TRIM65: variants seen among roughly 807,000 people sequenced by gnomAD.
TRIM65 encodes E3 ubiquitin-protein ligase TRIM65.
TRIM65 carries 46 observed loss-of-function variants against 36.1 expected under a neutral mutation model. The ratio of observed to expected loss-of-function variants is 1.27; its 90% confidence interval spans 1.01 to 1.63. The LOEUF is 1.63. TRIM65 is among the 40% of genes most tolerant of loss of function. The pLI is 0.00. For synonymous variants in TRIM65, 346 were observed against 313.6 expected (o/e 1.10, Z -1.09); for missense variants, 708 against 696.6 (o/e 1.02, Z -0.18).
exon 5 of TRIM65, chr17:75,880,351 T>C (rs2065161935): frequency 1.4e-5 from 2 of 140,116 alleles, no homozygotes; most frequent in African/African-American, 5.7e-5. Flanking sequence ...TTTTTTTTTT[T>C]AGGGAGTCTT....
rs1302324507 is a variant in TRIM65 at position 75,892,010 on chromosome 17, C to A, written c.919+1G>T. 2.2e-5 allele frequency: 34 copies of A among 1,552,274 alleles called. No homozygotes were observed. The highest frequency in any genetic ancestry group is 3.0e-5 in the Non-Finnish European group (34 of 1,147,192). ...AGGGGGAGGCCTGGGGTCAGTCTTA[C>A]CCACGGGGGCTAAGTCCACAGGCTT... On this transcript the variant is annotated splice_donor_variant, in intron 4 of 5. Coordinates refer to ENST00000269383, the MANE Select transcript of TRIM65 (RefSeq NM_173547.4). LOFTEE classifies it high-confidence loss of function.
chr17:75,891,739 GTGCTCACAGCACACACA>G, intron 5 of TRIM65, 57 bp downstream of exon 5: 1 of 1,003,980 alleles, frequency 1.0e-6, no homozygotes, highest in Non-Finnish European at 1.4e-6. Context: ...ACACACACAC[GTGCTCACAGCACACACA>G]GGCACTTCCT....
intron 1 of TRIM65, among the ~76,000 whole-genome samples, chr17:75,895,352 C>G (rs1247750687): frequency 2.0e-5 from 3 of 152,166 alleles, no homozygotes; most frequent in Admixed American, 2.0e-4. Context: ...GCCAGGTGAT[C>G]AGTCTCCATG....
downstream of TRIM65, among the ~76,000 whole-genome samples, chr17:75,884,159 A>G (rs552840566): frequency 6.6e-6 from 1 of 151,878 alleles, no homozygotes; most frequent in East Asian, 2.0e-4. Context: ...ATAAATAGAT[A>G]GATAGTAAAC....
At chr17:75,894,549 G>A (rs2065318465) in intron 1 of TRIM65, among the ~76,000 whole-genome samples, 1 of 152,166 alleles carries the variant, frequency 6.6e-6, no homozygotes, top group Non-Finnish European at 1.5e-5. Context: ...TCCTCCTAGC[G>A]CTAATGATTC....
intron 4 of TRIM65, among the ~76,000 whole-genome samples, chr17:75,882,990 A>AC (rs1476090992): frequency 2.7e-5 from 4 of 148,878 alleles, no homozygotes; most frequent in African/African-American, 1.0e-4. Context: ...GAAAAAAAAA[A>AC]AACAAAAACA....
At position 75,891,367 on chromosome 17, in the gene TRIM65, A is replaced by G; in HGVS notation, c.986-20T>C. 1.9e-6 allele frequency: 3 copies of G among 1,612,090 alleles called. No individual in the cohort carries two copies. The highest frequency in any genetic ancestry group is 1.7e-6 in the Non-Finnish European group (2 of 1,179,118). On this transcript the variant is annotated intron_variant, in intron 5 of 5. Transcript: ENST00000269383. ...GATAATCTGTTGGGGAAAGGAGGAC[A>G]GCAGTGGGCTGGGGGAAGACAGCAC...
intron 1 of TRIM65, among the ~76,000 whole-genome samples, chr17:75,893,150 G>A (rs1399442274): frequency 1.3e-5 from 2 of 152,204 alleles, no homozygotes; most frequent in Non-Finnish European, 2.9e-5. Flanking sequence ...AGCAAGCTGA[G>A]GCCAAGCACC....
downstream of TRIM65, among the ~76,000 whole-genome samples, chr17:75,879,955 T>C (rs577553413): frequency 3.3e-5 from 5 of 150,414 alleles, no homozygotes; most frequent in African/African-American, 5.0e-5. Flanking sequence ...GGTTTCACCA[T>C]GTTGGCCAAG....
chr17:75,891,057 A>C lies in TRIM65; in HGVS notation c.1276T>G (p.Cys426Gly), dbSNP rs761675670. ...GCCTGGAGGCTGTCCTCCTGGACGC[A>C]GAGCCCCCAGGAGCAGGGTCCCCGG... ...IGRGPCSWGL[C>G]VQEDSLQAWH... The change falls in exon 6 of 6, where the codon TGC becomes GGC. Residue 426 changes from cysteine to glycine, a missense_variant. Physicochemically the swap from Cys to Gly is radical, Grantham distance 159. Coordinates refer to ENST00000269383, the MANE Select transcript of TRIM65 (RefSeq NM_173547.4). 6.2e-7 allele frequency: 1 copy of C among 1,612,580 alleles called. No individual in the cohort carries two copies. Among genetic ancestry groups the C allele is most frequent in the Non-Finnish European group, 8.5e-7 (1 of 1,179,736 alleles).
In TRIM65 at chr17:75,890,091, T is replaced by TCA. The variant is rs1491172861; in HGVS notation, c.*687_*688insTG. 1 of 152,194 alleles carries TCA rather than the reference T, an allele frequency of 6.6e-6. No individual in the cohort carries two copies. Among genetic ancestry groups the TCA allele is most frequent in the East Asian group, 1.9e-4 (1 of 5,198 alleles). The allele number at this position is 152,194 out of a possible 1,614,324, so 9.4% of individuals were successfully genotyped here. Reference sequence around the variant, plus strand: ...TAAGTCAGGAAACTTCAGAAAACACTGTAATCTGAGCTACTCTGGAGGCTG... The same window carrying TCA: ...TAAGTCAGGAAACTTCAGAAAACACTCAGTAATCTGAGCTACTCTGGAGGCTG... On this transcript the variant is annotated 3_prime_UTR_variant, in exon 6 of 6. Coordinates refer to ENST00000269383, the MANE Select transcript of TRIM65 (RefSeq NM_173547.4).
chr17:75,895,011 G>A (rs1723756535), intron 1 of TRIM65, among the ~76,000 whole-genome samples: 1 of 152,208 alleles, frequency 6.6e-6, no homozygotes, highest in East Asian at 1.9e-4. Flanking sequence ...GGTCCCAGGT[G>A]CCACAGGCCC....
rs1218763493 is a variant in TRIM65 at position 75,892,283 on chromosome 17, T to C, written c.728A>G (p.Glu243Gly). 1 of 1,612,222 alleles carries C rather than the reference T, an allele frequency of 6.2e-7. No homozygotes were observed. The highest frequency in any genetic ancestry group is 1.1e-5 in the South Asian group (1 of 90,870). ...RIRELLEQVD[E>G]QTFLQESQLL... Reference sequence around the variant, plus strand: ...CCCTCGCACCTGCAGGAAGGTCTGCTCATCCACCTGCTCCAGGAGCTCCCG... The same window carrying C: ...CCCTCGCACCTGCAGGAAGGTCTGCCCATCCACCTGCTCCAGGAGCTCCCG... The change falls in exon 3 of 6, where the codon GAG becomes GGG. Residue 243 changes from glutamate to glycine, a missense_variant. Glu to Gly is a moderately conservative substitution (Grantham distance 98). Coordinates refer to ENST00000269383, the MANE Select transcript of TRIM65 (RefSeq NM_173547.4).
rs1286635771 is a variant in TRIM65, at chr17:75,890,996, AC to A, written c.1336del (p.Val446CysfsTer52). The A allele has an allele frequency of 7.6e-6, 12 of 1,589,180 alleles. No individual in the cohort carries two copies. The highest frequency in any genetic ancestry group is 2.7e-5 in the African/African-American group (2 of 74,046). On this transcript the variant is annotated frameshift_variant, in exon 6 of 6. Coordinates refer to ENST00000269383, the MANE Select transcript of TRIM65 (RefSeq NM_173547.4). LOFTEE classifies it low-confidence loss of function (END_TRUNC). ...ATCCATGCCCAGGAGCCGCCCTGAC[AC>A]CCCTGGGAGGCGCTGGGCTTCCCCG... ...HNGEAQRLPGVSGRLLGMDLD... is the reference protein window; with the variant it reads ...HNGEAQRLPGXSGRLLGMDLD...
In TRIM65 at chr17:75,892,070, A is replaced by T. The variant is rs765026671; in HGVS notation, c.860T>A (p.Leu287His). The change falls in exon 4 of 6, where the codon CTC becomes CAC. Residue 287 changes from leucine (L) to histidine (H), a missense_variant. Leu to His is a moderately conservative substitution (Grantham distance 99). Transcript: ENST00000269383. Reference protein sequence around the residue: ...KQLLSRLCGLLLEEGSHPGAP... With the variant: ...KQLLSRLCGLHLEEGSHPGAP... The stretch of plus-strand genomic sequence containing the variant: ...CCCAGGGTGGCTCCCCTCTTCCAAG[A>T]GGAGGCCACACAGCCGGCTTAGCAA... 7.4e-5 allele frequency: 115 copies of T among 1,551,862 alleles called. No individual in the cohort carries two copies. Among genetic ancestry groups the T allele is most frequent in the Non-Finnish European group, 9.4e-5 (108 of 1,147,212 alleles).
Position 75,896,945 on chromosome 17 carries a change from C to G in TRIM65, c.-8G>C, listed in dbSNP as rs1342527502. 1.1e-5 allele frequency: 16 copies of G among 1,485,894 alleles called. No individual in the cohort carries two copies. The highest frequency in any genetic ancestry group is 1.4e-5 in the Non-Finnish European group (16 of 1,123,434). The allele number at this position is 1,485,894 out of a possible 1,614,324, so 92.0% of individuals were successfully genotyped here. On this transcript the variant is annotated 5_prime_UTR_variant, in exon 1 of 6. Coordinates refer to ENST00000269383, the MANE Select transcript of TRIM65 (RefSeq NM_173547.4). ...CAGCAGCTGCGCGGCCATGGCCCGG[C>G]GGCGGCGAGAGCCAGGCGGGCCCCG... is the stretch of plus-strand genomic sequence containing the variant.
At chr17:75,887,536 A>G (rs374221572), downstream of TRIM65, among the ~76,000 whole-genome samples, 10 of 150,956 alleles carry the variant, frequency 6.6e-5, no homozygotes, top group East Asian at 2.0e-3. Flanking sequence ...AGTCCTAGCT[A>G]CTCTGGGGGC....
At chr17:75,888,099 T>C (rs2065222589), downstream of TRIM65, among the ~76,000 whole-genome samples, 4 of 151,842 alleles carry the variant, frequency 2.6e-5, no homozygotes, top group Admixed American at 2.6e-4. Flanking sequence ...GAGCTTGCAG[T>C]GAGCCGAGAT....
chr17:75,894,548 C>T (rs761309224), intron 1 of TRIM65, among the ~76,000 whole-genome samples: 4 of 152,208 alleles, frequency 2.6e-5, no homozygotes, highest in African/African-American at 9.6e-5. Flanking sequence ...TTCCTCCTAG[C>T]GCTAATGATT....
Sources: gnomAD v4.1 joint callset for allele counts (sites outside exome capture counted in the v4.1 genomes callset) on GRCh38, gnomAD v4.1.1 for gene constraint, MANE v1.5 for transcripts, NCBI Gene and HGNC (gene_info 2026-07-23, HGNC 2026-07-21) for gene names.